Variants in DGKI observed in about 807,000 individuals in gnomAD.
The protein encoded by DGKI is diacylglycerol kinase iota.
In DGKI, 55 loss-of-function variants were observed where a neutral mutation model predicts 147.5. The ratio of observed to expected loss-of-function variants is 0.37; its 90% CI spans 0.30 to 0.47. The LOEUF (loss-of-function observed/expected upper bound fraction) is 0.47. DGKI is among the 20% of genes least tolerant of loss of function. The pLI is 1.00. For synonymous variants in DGKI, 469 were observed against 477.1 expected (o/e 0.98, Z 0.22); for missense variants, 1,007 against 1,323.8 (o/e 0.76, Z 3.71).
intron 5 of DGKI, among the ~76,000 whole-genome samples, chr7:137,653,156 G>A (rs994682012): frequency 5.3e-5 from 8 of 152,244 alleles, no homozygotes; most frequent in Admixed American, 3.3e-4. Flanking sequence ...GCGCGCGTGC[G>A]CGCACTTAGC....
rs185207358 is a variant in DGKI at position 137,441,024 on chromosome 7, A to G, written c.2761+3053T>C. On this transcript the variant is annotated intron_variant, in intron 28 of 32. Transcript: ENST00000614521. ...TCTCCCGTCCTCTTTAAACTTTTCA[A>G]GGGCGGAACATAATCCCGAGCAAAC... Among the ~76,000 whole-genome samples, 5 of 152,358 alleles carry G rather than the reference A, an allele frequency of 3.3e-5. No homozygotes were observed. The East Asian group carries it at 5.8e-4, about 18-fold the overall frequency.
chr7:137,609,180 T>C, intron 9 of DGKI, 116 bp from the exon 10 acceptor site: 1 of 711,340 alleles, frequency 1.4e-6, no homozygotes, highest in South Asian at 1.9e-5. Flanking sequence ...GGCTGACTCT[T>C]AACACGACTT....
At chr7:137,452,669 A>G (rs941229582) in intron 27 of DGKI, 1 of 152,204 alleles carries the variant, frequency 6.6e-6, no homozygotes, top group African/African-American at 2.4e-5. Context: ...ACATCAGGTG[A>G]TGATCCATCC....
At chr7:137,725,241 C>T (rs1794685973) in intron 1 of DGKI, among the ~76,000 whole-genome samples, 1 of 152,122 alleles carries the variant, frequency 6.6e-6, no homozygotes, top group Non-Finnish European at 1.5e-5. Flanking sequence ...ATGTTGTCAA[C>T]CTACGGGAGA....
chr7:137,641,344 T>G (rs1005173065), intron 6 of DGKI, among the ~76,000 whole-genome samples: 1 of 152,144 alleles, frequency 6.6e-6, no homozygotes, highest in Non-Finnish European at 1.5e-5. Context: ...ATAAAAAATG[T>G]AGACAAAGTT....
chr7:137,832,894 T>C lies in DGKI; in HGVS notation c.401+13568A>G, dbSNP rs191421337. ...CTTTTATGAGATACCACAAATCATC[T>C]CTCTCAAGTTCTAAGTTCCACAAAT... is the stretch of plus-strand genomic sequence containing the variant. On this transcript the variant is annotated intron_variant, in intron 1 of 32. Coordinates refer to ENST00000614521, the MANE Select transcript of DGKI (RefSeq NM_001321708.2). Among the ~76,000 whole-genome samples, 340 of 152,322 alleles carry C rather than the reference T, an allele frequency of 2.2e-3. 3 individuals are homozygous for C. The highest frequency in any genetic ancestry group is 1.8e-3 in the Non-Finnish European group (123 of 68,024).
chr7:137,717,621 T>A (rs149507741), intron 1 of DGKI, among the ~76,000 whole-genome samples: 3,825 of 152,322 alleles, frequency 0.025, 65 homozygotes, highest in Non-Finnish European at 0.037. Flanking sequence ...GAAATATTTT[T>A]ATGTTGATTT....
intron 20 of DGKI, among the ~76,000 whole-genome samples, chr7:137,550,952 C>T (rs1818024582): frequency 6.6e-6 from 1 of 152,140 alleles, no homozygotes; most frequent in South Asian, 2.1e-4. Flanking sequence ...CCATATACAA[C>T]CACTGGCATG....
chr7:137,499,178 T>C (rs901263899), intron 21 of DGKI, among the ~76,000 whole-genome samples: 2 of 152,188 alleles, frequency 1.3e-5, no homozygotes, highest in African/African-American at 4.8e-5. Context: ...GGTAAATATA[T>C]ACCTATCAAG....
chr7:137,476,494 T>C (rs1265599704), intron 23 of DGKI, among the ~76,000 whole-genome samples: 1 of 152,154 alleles, frequency 6.6e-6, no homozygotes, highest in Admixed American at 6.5e-5. Context: ...GCCATATATG[T>C]TACTATCAGA....
chr7:137,474,563 T>C (rs951086265), intron 23 of DGKI, among the ~76,000 whole-genome samples: 1 of 152,134 alleles, frequency 6.6e-6, no homozygotes, highest in African/African-American at 2.4e-5. Context: ...TGGATTTCAC[T>C]TGAGTTGAAA....
intron 1 of DGKI, among the ~76,000 whole-genome samples, chr7:137,814,821 A>G (rs1797693207): frequency 6.6e-6 from 1 of 152,198 alleles, no homozygotes; most frequent in South Asian, 2.1e-4. Flanking sequence ...CAAACCATGT[A>G]TGTATATCAC....
Position 137,578,328 on chromosome 7 carries a change from G to C in DGKI, c.1643-3C>G. The C allele has an allele frequency of 6.2e-7, 1 of 1,612,966 alleles. No individual in the cohort carries two copies. Among genetic ancestry groups the C allele is most frequent in the Non-Finnish European group, 8.5e-7 (1 of 1,179,050 alleles). On this transcript the variant is annotated splice_region_variant and splice_polypyrimidine_tract_variant and intron_variant, in intron 15 of 32. Coordinates refer to ENST00000614521, the MANE Select transcript of DGKI (RefSeq NM_001321708.2). ...GTTGAATTTCTCTGGATTTGCTTCT[G>C]TGAAAGAGGAAAAGTAGTTTTGTTA... is the stretch of plus-strand genomic sequence containing the variant.
chr7:137,539,415 T>A (rs1317578828), intron 20 of DGKI, among the ~76,000 whole-genome samples: 1 of 152,104 alleles, frequency 6.6e-6, no homozygotes, highest in Non-Finnish European at 1.5e-5. Flanking sequence ...GTTCATGAAC[T>A]CTTGGGTGTT....
intron 6 of DGKI, among the ~76,000 whole-genome samples, chr7:137,638,602 GTATA>G (rs371854922): frequency 1.1e-4 from 1 of 9,122 alleles, no homozygotes; most frequent in Non-Finnish European, 1.8e-4. Flanking sequence ...ATACATATAT[GTATA>G]TATATACACA....
intron 6 of DGKI, among the ~76,000 whole-genome samples, chr7:137,627,231 C>T (rs1193349593): frequency 6.6e-6 from 1 of 152,202 alleles, no homozygotes; most frequent in African/African-American, 2.4e-5. Flanking sequence ...ACTGTGACCT[C>T]TCCTTGTACA....
chr7:137,387,034 C>G lies in DGKI; in HGVS notation c.*4186G>C, dbSNP rs1351928562. The G allele has an allele frequency of 1.3e-5, 2 of 152,066 alleles. No individual in the cohort carries two copies. Among genetic ancestry groups the G allele is most frequent in the South Asian group, 4.1e-4 (2 of 4,824 alleles). 9.4% of individuals were successfully genotyped at this position (152,066 alleles called of 1,614,324 possible). A position where few individuals can be genotyped will look rare whatever the true frequency, so the allele number is the denominator to read the frequency against. On this transcript the variant is annotated 3_prime_UTR_variant, in exon 33 of 33. Transcript: ENST00000614521. The stretch of plus-strand genomic sequence containing the variant: ...TAAAATATGCTGTTCTCAGTGATTT[C>G]ATTAGCTACTCCTTCTGGAAGGAAG...
chr7:137,709,936 A>G (rs1159406211), intron 1 of DGKI, among the ~76,000 whole-genome samples: 1 of 152,088 alleles, frequency 6.6e-6, no homozygotes, highest in Non-Finnish European at 1.5e-5. Flanking sequence ...TAAAATTAAT[A>G]AATGGGTTAT....
At chr7:137,506,164 T>C (rs78409064) in intron 21 of DGKI, among the ~76,000 whole-genome samples, 5,138 of 152,298 alleles carry the variant, frequency 0.034, 273 homozygotes, top group African/African-American at 0.12. Context: ...GGGATGTTTA[T>C]AGCACCTTTA....
Sources: allele counts gnomAD v4.1 joint callset (sites outside exome capture counted in the v4.1 genomes callset), GRCh38; gene constraint gnomAD v4.1.1; transcripts MANE v1.5; gene names NCBI Gene and HGNC (gene_info 2026-07-23, HGNC 2026-07-21).